Variants in PKD1L1 observed in about 807,000 individuals in gnomAD.
PKD1L1 encodes the protein polycystin 1 like 1, transient receptor potential channel interacting, also known as polycystin-1-like protein 1.
PKD1L1 carries 236 observed loss-of-function variants against 323.4 expected under a neutral mutation model. That is an observed-to-expected ratio of 0.73 (90% CI 0.66 to 0.81). PKD1L1 has a LOEUF of 0.81. PKD1L1 is among the 40% of genes least tolerant of loss of function. The pLI, the probability that PKD1L1 is intolerant of heterozygous loss-of-function variation, is 0.00. For missense variants in PKD1L1, 3,320 were observed against 3,508.0 expected (o/e 0.95, Z 1.35); for synonymous variants, 1,344 against 1,335.0 (o/e 1.01, Z -0.15).
Position 47,829,194 on chromosome 7 carries a change from C to T in PKD1L1, c.6735+231G>A, listed in dbSNP as rs111248424. Among the ~76,000 whole-genome samples, 6 of 152,126 alleles carry T rather than the reference C, an allele frequency of 3.9e-5. 1 individual carries two copies. The highest frequency in any genetic ancestry group is 1.4e-4 in the African/African-American group (6 of 41,496). ...ACTTGCTTCAGTATTTTAAAATATGCTCATTTTCTTGATGCTCTAACTTCT... is the reference window on the plus strand; with the variant it reads ...ACTTGCTTCAGTATTTTAAAATATGTTCATTTTCTTGATGCTCTAACTTCT... On this transcript the variant is annotated intron_variant, in intron 44 of 56. Coordinates refer to ENST00000289672, the MANE Select transcript of PKD1L1 (RefSeq NM_138295.5).
intron 13 of PKD1L1, among the ~76,000 whole-genome samples, chr7:47,898,655 T>C (rs1043488065): frequency 3.3e-5 from 5 of 152,136 alleles, no homozygotes; most frequent in African/African-American, 9.6e-5. Flanking sequence ...TATTTTTTTC[T>C]TCACTGAAAT....
At chr7:47,794,762 G>A (rs1405232720) in intron 55 of PKD1L1, among the ~76,000 whole-genome samples, 3 of 152,172 alleles carry the variant, frequency 2.0e-5, no homozygotes, top group Non-Finnish European at 4.4e-5. Context: ...AGCTACAGGG[G>A]CAGAGCTGCC....
At chr7:47,829,147 A>G (rs1219572114) in intron 44 of PKD1L1, among the ~76,000 whole-genome samples, 3 of 152,202 alleles carry the variant, frequency 2.0e-5, no homozygotes, top group Admixed American at 6.5e-5. Flanking sequence ...CTCCAAAATC[A>G]TGGCCAAGAA....
At chr7:47,818,530 T>A (rs562175290) in intron 46 of PKD1L1, among the ~76,000 whole-genome samples, 1 of 152,258 alleles carries the variant, frequency 6.6e-6, no homozygotes, top group African/African-American at 2.4e-5. Context: ...ATTAAGAAAC[T>A]AAGTTAAAAA....
chr7:47,914,837 G>A (rs549732031), intron 8 of PKD1L1, among the ~76,000 whole-genome samples: 89 of 152,122 alleles, frequency 5.9e-4, no homozygotes, highest in African/African-American at 2.1e-3. Context: ...GTGAGCAAAG[G>A]GGCTCAGCAG....
At chr7:47,949,261 C>T (rs539778693), upstream of PKD1L1, among the ~76,000 whole-genome samples, 4 of 148,372 alleles carry the variant, frequency 2.7e-5, no homozygotes, top group Non-Finnish European at 4.5e-5. Context: ...CCCAGCTACT[C>T]GGGAGGCTGA....
Position 47,792,714 on chromosome 7 carries a change from G to C in PKD1L1, c.8439C>G (p.Pro2813=). The C allele has an allele frequency of 6.2e-7, 1 of 1,614,076 alleles. No homozygotes were observed. Among genetic ancestry groups the C allele is most frequent in the East Asian group, 2.2e-5 (1 of 44,864 alleles). ...TGTTGTTGGATGTTTTTTCCAGAAG[G>C]GGGAGTTGTAGGCTGTCGGACAAAC... is the stretch of plus-strand genomic sequence containing the variant. The part of the protein sequence containing the change: ...INGLSDSLQL[P]LLEKTSNNTG... Residue 2813 remains proline, a synonymous_variant, in exon 56 of 57, where the codon CCC becomes CCG. Coordinates refer to ENST00000289672, the MANE Select transcript of PKD1L1 (RefSeq NM_138295.5).
chr7:47,923,675 A>AAAAT (rs1228390141), intron 7 of PKD1L1, among the ~76,000 whole-genome samples: 7 of 151,646 alleles, frequency 4.6e-5, no homozygotes, highest in Admixed American at 1.3e-4. Context: ...ATAAATAATA[A>AAAAT]AAATAAATAA....
intron 25 of PKD1L1, among the ~76,000 whole-genome samples, chr7:47,865,864 G>C (rs1407628027): frequency 6.6e-6 from 1 of 151,792 alleles, no homozygotes; most frequent in Non-Finnish European, 1.5e-5. Flanking sequence ...CAAAGTGCTG[G>C]GATTACAGGC....
chr7:47,839,617 G>A lies in PKD1L1; in HGVS notation c.5598C>T (p.His1866=), dbSNP rs756940262. 33 of 1,588,758 alleles carry A rather than the reference G, an allele frequency of 2.1e-5. No homozygotes were observed. The highest frequency in any genetic ancestry group is 4.0e-5 in the African/African-American group (3 of 74,606). ...AGCCTGGGGAAGGCCCACGGCTGTC[G>A]TGCCAGAGGCGGATCTTCCTCAGCA... is the stretch of plus-strand genomic sequence containing the variant. ...LGLLRKIRLW[H]DSRGPSPGWF... The change falls in exon 36 of 57, where the codon CAC becomes CAT. Residue 1866 remains histidine, a synonymous_variant. Transcript: ENST00000289672. This position sits in a 1 kb window ranked among gnomAD's most constrained non-coding sequence, Gnocchi z 4.3.
intron 45 of PKD1L1, among the ~76,000 whole-genome samples, chr7:47,825,401 C>T (rs1384824904): frequency 1.3e-5 from 2 of 151,916 alleles, no homozygotes; most frequent in East Asian, 3.9e-4. Context: ...CATGGTGGCA[C>T]ATGCCTGCAA....
chr7:47,959,674 G>A, the PKD1L1 span, among the ~76,000 whole-genome samples: 2 of 132,362 alleles, frequency 1.5e-5, no homozygotes, highest in South Asian at 4.7e-4. Context: ...CGCCAGGCCA[G>A]CCGCCCCGTC....
intron 52 of PKD1L1, among the ~76,000 whole-genome samples, chr7:47,807,831 T>C (rs912917996): frequency 6.6e-6 from 1 of 152,236 alleles, no homozygotes; most frequent in African/African-American, 2.4e-5. Flanking sequence ...CCTGATACTC[T>C]GTGAGCTTTG....
At chr7:47,854,843 C>T (rs1281420769) in intron 30 of PKD1L1, 39 bp downstream of exon 30, 1 of 1,601,086 alleles carries the variant, frequency 6.2e-7, no homozygotes, top group Non-Finnish European at 8.5e-7. Context: ...GACAATATGT[C>T]TTACTCCAAT....
chr7:47,908,334 G>T, intron 8 of PKD1L1, 84 bp from the exon 9 acceptor site: 2 of 1,315,868 alleles, frequency 1.5e-6, no homozygotes, highest in East Asian at 2.4e-5. Flanking sequence ...GTCAAAATGG[G>T]GTGATTAATA....
intron 37 of PKD1L1, among the ~76,000 whole-genome samples, 167 bp downstream of exon 37, chr7:47,836,754 C>T (rs896121582): frequency 2.0e-5 from 3 of 152,214 alleles, no homozygotes; most frequent in African/African-American, 7.2e-5. Flanking sequence ...AGTGCCACAC[C>T]GGGCAGAGCC....
At position 47,866,436 on chromosome 7, in the gene PKD1L1, A is replaced by G. The variant is rs771438928; in HGVS notation, c.4075T>C (p.Leu1359=). ...AGCCATACCTGATCTACAAAAGCCA[A>G]TCTGCATACTGAAGAAATTAATGCA... ...QDALISSVCR[L]AFVDQEEMIG... is the part of the protein sequence containing the mutation. Residue 1359 remains leucine, a synonymous_variant, in exon 25 of 57, where the codon TTG becomes CTG. Transcript: ENST00000289672. 1.2e-6 allele frequency: 2 copies of G among 1,613,538 alleles called. No homozygotes were observed. The highest frequency in any genetic ancestry group is 8.5e-7 in the Non-Finnish European group (1 of 1,179,828).
intron 34 of PKD1L1, among the ~76,000 whole-genome samples, chr7:47,842,559 TTCC>T (rs923430539): frequency 3.9e-5 from 6 of 152,018 alleles, no homozygotes; most frequent in Non-Finnish European, 1.5e-5. Flanking sequence ...GCTAGACTAT[TTCC>T]TCCTCCTCCA....
At chr7:47,873,672 G>A (rs146487777) in intron 24 of PKD1L1, among the ~76,000 whole-genome samples, 2,538 of 128,942 alleles carry the variant, frequency 0.02, 79 homozygotes, top group African/African-American at 0.029. Flanking sequence ...AAAAAAAAAA[G>A]AAGGAGAAGA....
Sources: allele counts gnomAD v4.1 joint callset (sites outside exome capture counted in the v4.1 genomes callset), GRCh38; gene constraint gnomAD v4.1.1; non-coding constraint Gnocchi (gnomAD v3.1); transcripts MANE v1.5; gene names NCBI Gene and HGNC (gene_info 2026-07-23, HGNC 2026-07-21).